PHKB: variants seen among roughly 807,000 people sequenced by gnomAD.
PHKB encodes phosphorylase b kinase regulatory subunit beta.
A neutral mutation model predicts 152.1 loss-of-function variants in PHKB; 122 were observed. The observed-to-expected ratio is 0.80, with a 90% CI of 0.69 to 0.93. The LOEUF (loss-of-function observed/expected upper bound fraction) is 0.93, where lower values mean the gene tolerates loss of function less well. Ranked by LOEUF, PHKB falls within the 40% of genes least tolerant of loss-of-function variation. PHKB has a pLI of 0.00. For missense variants in PHKB, 1,304 were observed against 1,328.4 expected, an observed-to-expected ratio of 0.98 and a Z score of 0.29; for synonymous variants, 436 against 464.9, an observed-to-expected ratio of 0.94 and a Z score of 0.80.
chr16:47,467,238 C>T (rs942312345), intron 1 of PHKB, among the ~76,000 whole-genome samples: 11 of 152,174 alleles, frequency 7.2e-5, no homozygotes, highest in Admixed American at 3.3e-4. Context: ...TATCTACCCT[C>T]AAAATAGCCA....
intron 1 of PHKB, among the ~76,000 whole-genome samples, chr16:47,482,102 T>C (rs1475508295): frequency 3.3e-5 from 5 of 152,218 alleles, no homozygotes; most frequent in Non-Finnish European, 7.4e-5. Flanking sequence ...GGATTCCGTA[T>C]GAGAAAGTTT....
At chr16:47,663,856 G>T (rs946149243) in intron 24 of PHKB, 122 bp downstream of exon 24, 42 of 720,194 alleles carry the variant, frequency 5.8e-5, no homozygotes, top group Non-Finnish European at 9.4e-5. Context: ...AACCTCCAAG[G>T]TTACAGCACT....
intron 13 of PHKB, among the ~76,000 whole-genome samples, chr16:47,600,893 C>T (rs1024180382): frequency 6.6e-6 from 1 of 152,194 alleles, no homozygotes; most frequent in Non-Finnish European, 1.5e-5. Context: ...GCCTGTGTCC[C>T]AGCATTTGGG....
At chr16:47,679,582 G>T (rs1973807861) in intron 26 of PHKB, among the ~76,000 whole-genome samples, 1 of 152,066 alleles carries the variant, frequency 6.6e-6, no homozygotes, top group Non-Finnish European at 1.5e-5. Context: ...GTCTGTTATT[G>T]GTGTCTAAGA....
intron 7 of PHKB, among the ~76,000 whole-genome samples, chr16:47,564,780 G>A (rs1971536496): frequency 6.6e-6 from 1 of 152,134 alleles, no homozygotes; most frequent in South Asian, 2.1e-4. Context: ...TGTATATAGT[G>A]AAAGATAGGA....
At chr16:47,644,457 T>A (rs1221251103) in intron 16 of PHKB, among the ~76,000 whole-genome samples, 1 of 152,162 alleles carries the variant, frequency 6.6e-6, no homozygotes, top group East Asian at 1.9e-4. Flanking sequence ...GAGAAAGAGA[T>A]ACAAACCCAA....
intron 1 of PHKB, among the ~76,000 whole-genome samples, chr16:47,470,265 TTAACTA>T (rs1969742155): frequency 6.6e-6 from 1 of 152,206 alleles, no homozygotes; most frequent in African/African-American, 2.4e-5. Context: ...AGATATTAAA[TTAACTA>T]TAAGTATCCT....
intron 6 of PHKB, 94 bp from the exon 7 acceptor site, chr16:47,547,339 T>A (rs1056496965): frequency 9.3e-6 from 7 of 755,688 alleles, no homozygotes; most frequent in Admixed American, 3.8e-5. Context: ...CCCCTCAGCC[T>A]CCCAAATTGC....
At chr16:47,556,081 T>C (rs1971364247) in intron 7 of PHKB, among the ~76,000 whole-genome samples, 1 of 152,216 alleles carries the variant, frequency 6.6e-6, no homozygotes, top group Non-Finnish European at 1.5e-5. Flanking sequence ...TTGTCTGTTA[T>C]TGGTGTCTAA....
chr16:47,475,293 T>G (rs1217707434), intron 1 of PHKB, among the ~76,000 whole-genome samples: 1 of 152,234 alleles, frequency 6.6e-6, no homozygotes, highest in Non-Finnish European at 1.5e-5. Flanking sequence ...TGTTTGCTGA[T>G]ATATTTTGAA....
chr16:47,572,260 G>A (rs1044024239), intron 7 of PHKB, among the ~76,000 whole-genome samples: 1 of 152,158 alleles, frequency 6.6e-6, no homozygotes, highest in African/African-American at 2.4e-5. Flanking sequence ...GATACCAGCA[G>A]TCAAAGGCTA....
chr16:47,472,565 G>A (rs1158698798), intron 1 of PHKB, among the ~76,000 whole-genome samples: 2 of 152,088 alleles, frequency 1.3e-5, no homozygotes, highest in Non-Finnish European at 2.9e-5. Context: ...GGCGGATCAC[G>A]AGATCAGGAG....
chr16:47,641,571 C>T (rs767782791), intron 15 of PHKB, 28 bp from the exon 16 acceptor site: 28 of 1,131,738 alleles, frequency 2.5e-5, no homozygotes, highest in South Asian at 2.0e-4. Flanking sequence ...TGTCTTAAAA[C>T]GTCTCTTTTT....
chr16:47,486,876 AG>A (rs1219274997), intron 1 of PHKB, among the ~76,000 whole-genome samples: 1 of 152,204 alleles, frequency 6.6e-6, no homozygotes, highest in Non-Finnish European at 1.5e-5. Flanking sequence ...TGTACACCTC[AG>A]GCTTTCAGAG....
intron 1 of PHKB, chr16:47,462,184 C>T (rs1477617568): frequency 6.6e-6 from 1 of 152,138 alleles, no homozygotes; most frequent in Admixed American, 6.5e-5. Context: ...TAATCTTGAA[C>T]AAAAGGCATG....
Position 47,461,435 on chromosome 16 carries a change from G to C in PHKB, c.76+9G>C. Reference sequence around the variant, plus strand: ...TCGGACCAAGCGCTCAGGTTTGGCTGGCTGGGGCGCCGCCCCCCACCCGAG... The same window carrying C: ...TCGGACCAAGCGCTCAGGTTTGGCTCGCTGGGGCGCCGCCCCCCACCCGAG... On this transcript the variant is annotated intron_variant, in intron 1 of 30. Transcript: ENST00000323584. 1.2e-6 allele frequency: 2 copies of C among 1,612,800 alleles called. No individual in the cohort carries two copies. The highest frequency in any genetic ancestry group is 1.7e-6 in the Non-Finnish European group (2 of 1,179,652).
chr16:47,588,990 A>G lies in PHKB; in HGVS notation c.956A>G (p.Lys319Arg), dbSNP rs1172500051. ...DEVLFSQTLD[K>R]VVRKLKGKYG... ...GTTCTTTTTAGCCAGACACTTGATA[A>G]AGTGGTTAGAAAATTAAAAGGAAAA... The change falls in exon 10 of 31, where the codon AAA becomes AGA. Residue 319 changes from lysine (K) to arginine (R), a missense_variant. Physicochemically the swap from Lys to Arg is conservative, Grantham distance 26. Transcript: ENST00000323584. The G allele has an allele frequency of 2.5e-6, 4 of 1,613,908 alleles. No homozygotes were observed. Among genetic ancestry groups the G allele is most frequent in the Non-Finnish European group, 3.4e-6 (4 of 1,179,804 alleles).
chr16:47,547,166 G>A (rs971858220), intron 6 of PHKB, among the ~76,000 whole-genome samples: 11 of 152,176 alleles, frequency 7.2e-5, no homozygotes, highest in African/African-American at 2.4e-4. Flanking sequence ...TGGAAATGCA[G>A]AAATCACCCG....
intron 7 of PHKB, among the ~76,000 whole-genome samples, chr16:47,556,385 G>A (rs1349655638): frequency 1.3e-5 from 2 of 152,138 alleles, no homozygotes; most frequent in Non-Finnish European, 2.9e-5. Flanking sequence ...TGCCCATTCA[G>A]TATGATATTG....
Sources: allele counts gnomAD v4.1 joint callset (sites outside exome capture counted in the v4.1 genomes callset), GRCh38; gene constraint gnomAD v4.1.1; transcripts MANE v1.5; gene names NCBI Gene and HGNC (gene_info 2026-07-23, HGNC 2026-07-21).